The following C8orf34 variants were observed in gnomAD, a reference collection of about 807,000 sequenced individuals.
C8orf34 encodes chromosome 8 open reading frame 34, also known as uncharacterized protein C8orf34.
A neutral mutation model predicts 68.3 loss-of-function variants in C8orf34; 65 were observed. The ratio of observed to expected loss-of-function variants is 0.95; its 90% CI spans 0.78 to 1.17. The LOEUF is 1.17. C8orf34 is among the 50% of genes most tolerant of loss of function. C8orf34 has a pLI of 0.00. For synonymous variants in C8orf34, 244 were observed against 241.2 expected (o/e 1.01, Z -0.11); for missense variants, 664 against 655.4 (o/e 1.01, Z -0.14).
Position 68,526,818 on chromosome 8 carries a change from T to A in C8orf34, c.938+4847T>A, listed in dbSNP as rs963091044. Reference sequence around the variant, plus strand: ...GCATGGAATCAGATCAAACTAAATGTTTACCAACCTATGCTCAGAAAGAAA... The same window carrying A: ...GCATGGAATCAGATCAAACTAAATGATTACCAACCTATGCTCAGAAAGAAA... On this transcript the variant is annotated intron_variant, in intron 6 of 13. Transcript: ENST00000518698. Among the ~76,000 whole-genome samples, 36 of 152,070 alleles carry A rather than the reference T, an allele frequency of 2.4e-4. 1 individual carries two copies. The highest frequency in any genetic ancestry group is 8.5e-4 in the African/African-American group (35 of 41,388).
At chr8:68,418,836 T>C (rs946370610) in intron 1 of C8orf34, among the ~76,000 whole-genome samples, 2 of 151,982 alleles carry the variant, frequency 1.3e-5, no homozygotes, top group Admixed American at 1.3e-4. Context: ...CAGTTCAAGA[T>C]GGATTAAAGA....
Position 68,420,336 on chromosome 8 carries a change from C to T in C8orf34, c.328-19163C>T, listed in dbSNP as rs756600928. On this transcript the variant is annotated intron_variant, in intron 1 of 13. Coordinates refer to ENST00000518698, the MANE Select transcript of C8orf34 (RefSeq NM_052958.4). Reference sequence around the variant, plus strand: ...AGTACATTAATTCTCACAAAAGCTACATTCTATATTTGGGTCATCTGGAAT... The same window carrying T: ...AGTACATTAATTCTCACAAAAGCTATATTCTATATTTGGGTCATCTGGAAT... Among the ~76,000 whole-genome samples, 11 of 152,184 alleles carry T rather than the reference C, an allele frequency of 7.2e-5. 1 individual carries two copies. Among genetic ancestry groups the T allele is most frequent in the South Asian group, 4.2e-4 (2 of 4,814 alleles).
chr8:68,515,154 C>A (rs564833421), intron 5 of C8orf34, among the ~76,000 whole-genome samples: 32 of 152,168 alleles, frequency 2.1e-4, no homozygotes, highest in African/African-American at 7.0e-4. Context: ...TAAATATATA[C>A]AATTTTTGTC....
chr8:68,521,009 C>T (rs753718993), intron 5 of C8orf34, among the ~76,000 whole-genome samples: 6 of 152,110 alleles, frequency 3.9e-5, no homozygotes, highest in Non-Finnish European at 8.8e-5. Context: ...CCATTGTTTT[C>T]CTCAGCATAT....
intron 10 of C8orf34, among the ~76,000 whole-genome samples, chr8:68,743,796 A>C (rs940463464): frequency 1.3e-5 from 2 of 152,182 alleles, no homozygotes; most frequent in South Asian, 4.1e-4. Context: ...AGGCGGCAGC[A>C]AGGCTGGGGG....
chr8:68,638,211 C>T (rs1266899490), intron 7 of C8orf34, among the ~76,000 whole-genome samples: 1 of 152,018 alleles, frequency 6.6e-6, no homozygotes. Flanking sequence ...TTATCTGTAC[C>T]ATGATGAGTC....
intron 7 of C8orf34, among the ~76,000 whole-genome samples, chr8:68,616,034 G>A (rs1318620304): frequency 4.6e-5 from 7 of 151,146 alleles, no homozygotes; most frequent in South Asian, 2.1e-4. Context: ...TGTACGTGTC[G>A]AGGAATTTAT....
chr8:68,400,454 TC>T (rs1305318904), intron 1 of C8orf34, among the ~76,000 whole-genome samples: 2 of 152,186 alleles, frequency 1.3e-5, no homozygotes, highest in African/African-American at 4.8e-5. Context: ...GGATATCCTT[TC>T]CCTAGTGTAT....
At chr8:68,348,943 T>C (rs1806393966) in intron 1 of C8orf34, among the ~76,000 whole-genome samples, 1 of 152,002 alleles carries the variant, frequency 6.6e-6, no homozygotes, top group African/African-American at 2.4e-5. Context: ...CTCTTCCTAT[T>C]TGAATGCATT....
At chr8:68,471,174 C>T (rs750112816) in intron 4 of C8orf34, among the ~76,000 whole-genome samples, 6 of 152,074 alleles carry the variant, frequency 3.9e-5, no homozygotes, top group Non-Finnish European at 5.9e-5. Context: ...TTGTTTTTGG[C>T]TTCACTTAAT....
intron 12 of C8orf34, among the ~76,000 whole-genome samples, chr8:68,808,564 T>C (rs970226115): frequency 7.3e-5 from 11 of 150,754 alleles, no homozygotes; most frequent in African/African-American, 2.7e-4. Flanking sequence ...AATATATATA[T>C]ATATAAAGAA....
chr8:68,771,923 A>G (rs2129528388), intron 10 of C8orf34, among the ~76,000 whole-genome samples: 1 of 152,222 alleles, frequency 6.6e-6, no homozygotes, highest in South Asian at 2.1e-4. Flanking sequence ...GTAGTAATTA[A>G]CTCTTGTTCA....
intron 7 of C8orf34, among the ~76,000 whole-genome samples, chr8:68,568,552 T>C (rs925702524): frequency 6.6e-6 from 1 of 151,506 alleles, no homozygotes; most frequent in Non-Finnish European, 1.5e-5. Context: ...GCCACAAAGC[T>C]TCAATTAGAA....
At chr8:68,589,317 TTTATA>T (rs1237207661) in intron 7 of C8orf34, among the ~76,000 whole-genome samples, 1 of 152,046 alleles carries the variant, frequency 6.6e-6, no homozygotes, top group Non-Finnish European at 1.5e-5. Flanking sequence ...GAAATATTTG[TTTATA>T]TTAAGGATAC....
intron 9 of C8orf34, among the ~76,000 whole-genome samples, chr8:68,716,908 T>A (rs1005148084): frequency 2.0e-5 from 3 of 151,748 alleles, no homozygotes; most frequent in African/African-American, 7.2e-5. Flanking sequence ...TTCAACTACA[T>A]ACAGGCGATG....
chr8:68,343,543 GC>G (rs1274056045), intron 1 of C8orf34, among the ~76,000 whole-genome samples: 1 of 151,288 alleles, frequency 6.6e-6, no homozygotes, highest in Non-Finnish European at 1.5e-5. Flanking sequence ...TCCCAACTTA[GC>G]CTCCCAAGTA....
intron 10 of C8orf34, among the ~76,000 whole-genome samples, chr8:68,732,075 G>C (rs1351343272): frequency 1.3e-5 from 2 of 152,238 alleles, no homozygotes; most frequent in Non-Finnish European, 2.9e-5. Flanking sequence ...GATTGCGTCT[G>C]AGATTTGAGG....
chr8:68,389,776 T>G (rs1476064518), intron 1 of C8orf34, among the ~76,000 whole-genome samples: 1 of 152,182 alleles, frequency 6.6e-6, no homozygotes, highest in African/African-American at 2.4e-5. Context: ...ATTTGACGAT[T>G]TCTTTTCTAT....
At chr8:68,455,556 A>G (rs1174413555) in intron 3 of C8orf34, among the ~76,000 whole-genome samples, 3 of 152,122 alleles carry the variant, frequency 2.0e-5, no homozygotes, top group Non-Finnish European at 2.9e-5. Flanking sequence ...GCAGCCACCC[A>G]GCTCTCTTTT....
Sources: gnomAD v4.1 joint callset for allele counts (sites outside exome capture counted in the v4.1 genomes callset) on GRCh38, gnomAD v4.1.1 for gene constraint, MANE v1.5 for transcripts, NCBI Gene and HGNC (gene_info 2026-07-23, HGNC 2026-07-21) for gene names.